The following EPHA3 variants were observed in gnomAD, a reference collection of about 807,000 sequenced individuals.
The protein encoded by EPHA3 is ephrin type-A receptor 3.
EPHA3 carries 42 observed loss-of-function variants against 107.1 expected under a neutral mutation model. The observed-to-expected ratio is 0.39, with a 90% CI of 0.31 to 0.51. The LOEUF is 0.51. Ranked by LOEUF, EPHA3 falls within the 20% of genes least tolerant of loss-of-function variation. The pLI, the probability that EPHA3 is intolerant of heterozygous loss-of-function variation, is 0.78. For missense variants in EPHA3, 1,183 were observed against 1,211.2 expected (o/e 0.98, Z 0.35); for synonymous variants, 461 against 424.8 (o/e 1.09, Z -1.05).
intron 3 of EPHA3, among the ~76,000 whole-genome samples, chr3:89,253,352 GAC>G: frequency 6.6e-6 from 1 of 152,090 alleles, no homozygotes; most frequent in Admixed American, 6.6e-5. Context: ...GAGATTGAAA[GAC>G]ACACACAATT....
intron 5 of EPHA3, among the ~76,000 whole-genome samples, chr3:89,382,424 C>A (rs2107486677): frequency 6.6e-6 from 1 of 151,040 alleles, no homozygotes; most frequent in Middle Eastern, 3.4e-3. Context: ...AGGAGAATCA[C>A]TTGAACCAAG....
At chr3:89,112,315 T>C (rs1707129028) in intron 1 of EPHA3, among the ~76,000 whole-genome samples, 1 of 152,092 alleles carries the variant, frequency 6.6e-6, no homozygotes, top group Non-Finnish European at 1.5e-5. Flanking sequence ...AATTGAATTA[T>C]GGTTGGCTCG....
intron 2 of EPHA3, among the ~76,000 whole-genome samples, chr3:89,186,183 C>G (rs1394873630): frequency 6.6e-6 from 1 of 151,810 alleles, no homozygotes; most frequent in Admixed American, 6.6e-5. Context: ...CCTTATTTTT[C>G]ATATAGACTT....
rs147327444 is a variant in EPHA3 at position 89,272,255 on chromosome 3, C to G, written c.814+61735C>G. Among the ~76,000 whole-genome samples, 249 of 150,960 alleles carry G rather than the reference C, an allele frequency of 1.6e-3. 1 individual carries two copies. Among genetic ancestry groups the G allele is most frequent in the African/African-American group, 5.9e-3 (243 of 41,152 alleles). On this transcript the variant is annotated intron_variant, in intron 3 of 16. Transcript: ENST00000336596. The stretch of plus-strand genomic sequence containing the variant: ...ATTGTTCAAGGGTCAACCGTACTAC[C>G]ATTTTTTTTGTACCAAATGTATTAC...
At chr3:89,259,082 A>T (rs1705354913) in intron 3 of EPHA3, among the ~76,000 whole-genome samples, 3 of 152,182 alleles carry the variant, frequency 2.0e-5, no homozygotes, top group Admixed American at 2.0e-4. Context: ...CTGAGTGAAG[A>T]GTATGTGGGG....
chr3:89,352,125 A>G (rs566412340), intron 5 of EPHA3, among the ~76,000 whole-genome samples: 1 of 151,304 alleles, frequency 6.6e-6, no homozygotes, highest in South Asian at 2.1e-4. Context: ...TGTAAAGGAA[A>G]AGATCTTTGA....
chr3:89,164,123 T>G (rs907579318), intron 2 of EPHA3, among the ~76,000 whole-genome samples: 2 of 152,152 alleles, frequency 1.3e-5, no homozygotes, highest in African/African-American at 4.8e-5. Context: ...AGAAGACTAA[T>G]TGATTTAGCA....
intron 2 of EPHA3, among the ~76,000 whole-genome samples, chr3:89,147,401 T>A (rs1320710394): frequency 2.0e-5 from 3 of 151,600 alleles, no homozygotes; most frequent in Non-Finnish European, 4.4e-5. Flanking sequence ...AAAGAAAAAA[T>A]CTTACAATAA....
At chr3:89,193,030 A>C (rs1402170854) in intron 2 of EPHA3, among the ~76,000 whole-genome samples, 1 of 152,132 alleles carries the variant, frequency 6.6e-6, no homozygotes, top group Non-Finnish European at 1.5e-5. Context: ...TAATCTCTGA[A>C]ATCTTTTGTA....
At chr3:89,236,654 C>T (rs140869980) in intron 3 of EPHA3, among the ~76,000 whole-genome samples, 1,767 of 150,986 alleles carry the variant, frequency 0.012, 18 homozygotes, top group Non-Finnish European at 0.021. Flanking sequence ...GTGGGTGCAG[C>T]GCACCAGCAT....
intron 13 of EPHA3, among the ~76,000 whole-genome samples, chr3:89,439,075 A>G (rs1201255498): frequency 1.3e-5 from 2 of 152,230 alleles, no homozygotes; most frequent in Non-Finnish European, 1.5e-5. Context: ...GCAATTTTAT[A>G]TAGGATCGTC....
intron 13 of EPHA3, among the ~76,000 whole-genome samples, chr3:89,439,722 G>GGC (rs1281812203): frequency 2.3e-5 from 3 of 131,832 alleles, no homozygotes; most frequent in Admixed American, 1.6e-4. Flanking sequence ...CTCATATTAA[G>GGC]GCACACACAC....
chr3:89,324,271 G>A (rs1206613748), intron 3 of EPHA3, among the ~76,000 whole-genome samples: 1 of 150,430 alleles, frequency 6.6e-6, no homozygotes, highest in Non-Finnish European at 1.5e-5. Flanking sequence ...AGGTTGAAGC[G>A]ATTCTCATGC....
intron 5 of EPHA3, among the ~76,000 whole-genome samples, chr3:89,381,223 C>T (rs1708499489): frequency 6.6e-6 from 1 of 151,902 alleles, no homozygotes; most frequent in Non-Finnish European, 1.5e-5. Flanking sequence ...CCGCCTGCCT[C>T]GGCCTCCCAG....
intron 2 of EPHA3, among the ~76,000 whole-genome samples, chr3:89,155,867 C>T (rs1013585321): frequency 1.3e-5 from 2 of 151,934 alleles, no homozygotes; most frequent in Non-Finnish European, 2.9e-5. Context: ...TGTAGTTGAA[C>T]GTTGGGAACC....
chr3:89,164,131 G>A (rs982799914), intron 2 of EPHA3, among the ~76,000 whole-genome samples: 6 of 152,156 alleles, frequency 3.9e-5, no homozygotes. Flanking sequence ...AATTGATTTA[G>A]CAGCGCATGG....
At chr3:89,111,146 A>T (rs1413835787) in intron 1 of EPHA3, among the ~76,000 whole-genome samples, 3 of 152,194 alleles carry the variant, frequency 2.0e-5, no homozygotes, top group Admixed American at 1.3e-4. Context: ...AAATATTCTA[A>T]ATACTAGAGG....
intron 5 of EPHA3, among the ~76,000 whole-genome samples, chr3:89,350,068 C>CT (rs1285248605): frequency 6.6e-6 from 1 of 150,850 alleles, no homozygotes; most frequent in East Asian, 1.9e-4. Flanking sequence ...TTCATTTCAA[C>CT]TTTGGTGAAT....
intron 13 of EPHA3, among the ~76,000 whole-genome samples, chr3:89,434,115 G>A (rs1369128623): frequency 6.6e-6 from 1 of 152,024 alleles, no homozygotes; most frequent in Non-Finnish European, 1.5e-5. Flanking sequence ...ATACTTTTAG[G>A]TTAAATAAAA....
Sources: allele counts gnomAD v4.1 joint callset (sites outside exome capture counted in the v4.1 genomes callset), GRCh38; gene constraint gnomAD v4.1.1; transcripts MANE v1.5; gene names NCBI Gene and HGNC (gene_info 2026-07-23, HGNC 2026-07-21).